PAPPA: variants seen among roughly 807,000 people sequenced by gnomAD.
The protein encoded by PAPPA is pappalysin-1.
PAPPA carries 60 observed loss-of-function variants against 164.0 expected under a neutral mutation model. The ratio of observed to expected loss-of-function variants is 0.37; its 90% CI spans 0.30 to 0.45. The LOEUF (loss-of-function observed/expected upper bound fraction) is 0.45, where lower values mean the gene tolerates loss of function less well. PAPPA is among the 20% of genes least tolerant of loss of function. The pLI, the probability that PAPPA is intolerant of heterozygous loss-of-function variation, is 1.00. For synonymous variants in PAPPA, 875 were observed against 814.1 expected, an observed-to-expected ratio of 1.07 and a Z score of -1.27; for missense variants, 1,782 against 2,087.3, an observed-to-expected ratio of 0.85 and a Z score of 2.85.
chr9:116,204,812 C>T (rs1844212814), intron 2 of PAPPA, among the ~76,000 whole-genome samples: 1 of 152,174 alleles, frequency 6.6e-6, no homozygotes, highest in African/African-American at 2.4e-5. Context: ...CATTTTCCTT[C>T]TCTCACCTTC....
chr9:116,280,261 AATTATT>A (rs1172929038), intron 9 of PAPPA, among the ~76,000 whole-genome samples: 1 of 152,182 alleles, frequency 6.6e-6, no homozygotes, highest in Non-Finnish European at 1.5e-5. Flanking sequence ...TGATACAAAT[AATTATT>A]TAAGTGTCAT....
chr9:116,263,202 A>T (rs1253868185), intron 7 of PAPPA, among the ~76,000 whole-genome samples: 1 of 152,216 alleles, frequency 6.6e-6, no homozygotes, highest in Non-Finnish European at 1.5e-5. Flanking sequence ...TTCTGTACTA[A>T]TCAAATATGA....
rs1308207196 is a variant in PAPPA, at chr9:116,235,442, T to C, written c.2537T>C (p.Val846Ala). The C allele has an allele frequency of 1.2e-6, 2 of 1,613,704 alleles. No homozygotes were observed. The highest frequency in any genetic ancestry group is 1.7e-5 in the Admixed American group (1 of 59,964). The change falls in exon 7 of 22, where the codon GTG becomes GCG. Residue 846 changes from valine (V) to alanine (A), a missense_variant. Coordinates refer to ENST00000328252, the MANE Select transcript of PAPPA (RefSeq NM_002581.5). ...DVPLTIRLWD[V>A]GEEVYGIQIY... The stretch of plus-strand genomic sequence containing the variant: ...CCACTGACCATCAGACTCTGGGACG[T>C]GGGCGAGGAGGTGTATGGCATCCAA...
chr9:116,307,373 G>A (rs922144729), intron 10 of PAPPA, among the ~76,000 whole-genome samples: 1 of 152,098 alleles, frequency 6.6e-6, no homozygotes. Context: ...GCTGAGGCGG[G>A]CGGATCACCT....
intron 9 of PAPPA, among the ~76,000 whole-genome samples, chr9:116,282,666 A>G (rs1331113035): frequency 6.6e-6 from 1 of 152,178 alleles, no homozygotes; most frequent in Non-Finnish European, 1.5e-5. Context: ...CTGGCTCTTA[A>G]GCCCTCAGGC....
intron 17 of PAPPA, among the ~76,000 whole-genome samples, chr9:116,360,344 C>T (rs892933346): frequency 3.9e-5 from 6 of 152,202 alleles, no homozygotes; most frequent in African/African-American, 9.6e-5. Context: ...TGGGAGTGAA[C>T]TCTGCAAGCC....
intron 1 of PAPPA, among the ~76,000 whole-genome samples, chr9:116,159,651 C>T (rs1011370840): frequency 1.3e-5 from 2 of 152,204 alleles, no homozygotes; most frequent in Non-Finnish European, 2.9e-5. Context: ...GCTCCTTCCC[C>T]AGGTGCTCCT....
intron 7 of PAPPA, among the ~76,000 whole-genome samples, chr9:116,248,231 G>A (rs1844819561): frequency 6.6e-6 from 1 of 152,160 alleles, no homozygotes; most frequent in Non-Finnish European, 1.5e-5. Context: ...CTTTGTAACT[G>A]AGCTAAAGAA....
chr9:116,273,378 G>A (rs760917558), intron 9 of PAPPA, among the ~76,000 whole-genome samples: 4 of 152,196 alleles, frequency 2.6e-5, no homozygotes, highest in Non-Finnish European at 4.4e-5. Flanking sequence ...ACACTCATTT[G>A]CATATTGACT....
intron 1 of PAPPA, among the ~76,000 whole-genome samples, chr9:116,165,072 G>A (rs1843705892): frequency 6.6e-6 from 1 of 152,136 alleles, no homozygotes; most frequent in Non-Finnish European, 1.5e-5. Flanking sequence ...TCTTCCACTG[G>A]TAAATACTCT....
chr9:116,291,258 A>T (rs35202686), intron 9 of PAPPA, among the ~76,000 whole-genome samples: 54,854 of 151,880 alleles, frequency 0.36, 10,567 homozygotes, highest in East Asian at 0.53. Context: ...TCCTATCCAG[A>T]TATTCCATTT....
chr9:116,195,031 G>A (rs557638888), intron 2 of PAPPA, among the ~76,000 whole-genome samples: 127 of 152,266 alleles, frequency 8.3e-4, no homozygotes, highest in Admixed American at 1.6e-3. Context: ...CCAAATGTCT[G>A]GCAGTGTTAA....
At chr9:116,374,173 ATGATGATGATGG>A (rs1846616971) in intron 19 of PAPPA, among the ~76,000 whole-genome samples, 1 of 139,392 alleles carries the variant, frequency 7.2e-6, no homozygotes, top group African/African-American at 2.7e-5. Context: ...GGTGGTGTTG[ATGATGATGATGG>A]TGGTGATGAT....
At chr9:116,167,657 T>G (rs1843732349) in intron 1 of PAPPA, among the ~76,000 whole-genome samples, 1 of 152,152 alleles carries the variant, frequency 6.6e-6, no homozygotes, top group African/African-American at 2.4e-5. Flanking sequence ...TGAGTGAATA[T>G]GGGGTTTTGA....
At chr9:116,338,441 G>A (rs1280491775) in intron 13 of PAPPA, among the ~76,000 whole-genome samples, 4 of 152,182 alleles carry the variant, frequency 2.6e-5, no homozygotes, top group Non-Finnish European at 5.9e-5. Context: ...GTTGGGGGTG[G>A]GGGTGCCCAA....
intron 10 of PAPPA, among the ~76,000 whole-genome samples, chr9:116,305,067 A>G (rs942628832): frequency 2.6e-5 from 4 of 151,634 alleles, no homozygotes; most frequent in African/African-American, 7.3e-5. Context: ...ACACACACAC[A>G]CACACACCCT....
intron 19 of PAPPA, among the ~76,000 whole-genome samples, chr9:116,369,053 T>C (rs746042259): frequency 2.0e-5 from 3 of 152,108 alleles, no homozygotes; most frequent in Admixed American, 6.5e-5. Flanking sequence ...ATCTCTGTTT[T>C]TCCACTCTGT....
At chr9:116,317,864 C>T (rs1040072020) in intron 10 of PAPPA, among the ~76,000 whole-genome samples, 1 of 152,198 alleles carries the variant, frequency 6.6e-6, no homozygotes, top group Non-Finnish European at 1.5e-5. Context: ...GATCCAGAGT[C>T]TACACTGGTT....
At chr9:116,337,951 C>T (rs908986686) in intron 13 of PAPPA, among the ~76,000 whole-genome samples, 2 of 152,076 alleles carry the variant, frequency 1.3e-5, no homozygotes, top group Non-Finnish European at 2.9e-5. Flanking sequence ...CAAATCTCAG[C>T]CCCACACCAA....
Sources: gnomAD v4.1 joint callset for allele counts (sites outside exome capture counted in the v4.1 genomes callset) on GRCh38, gnomAD v4.1.1 for gene constraint, MANE v1.5 for transcripts, NCBI Gene and HGNC (gene_info 2026-07-23, HGNC 2026-07-21) for gene names.